The following RARB variants were observed in gnomAD, a reference collection of about 807,000 sequenced individuals.
The protein encoded by RARB is retinoic acid receptor beta.
A neutral mutation model predicts 51.9 loss-of-function variants in RARB; 17 were observed. The observed-to-expected ratio is 0.33, with a 90% confidence interval of 0.22 to 0.49. RARB has a LOEUF of 0.49. Ranked by LOEUF, RARB falls within the 20% of genes least tolerant of loss-of-function variation. The pLI is 0.99. For synonymous variants in RARB, 215 were observed against 195.4 expected (o/e 1.10, Z -0.84); for missense variants, 369 against 550.8 (o/e 0.67, Z 3.30).
intron 4 of RARB, among the ~76,000 whole-genome samples, chr3:25,160,903 A>G (rs1396950338): frequency 1.3e-5 from 2 of 151,894 alleles, no homozygotes; most frequent in African/African-American, 2.4e-5. Context: ...TGCTTCCATC[A>G]CATCACCTTC....
At chr3:25,192,616 A>T (rs1195719546) in intron 5 of RARB, among the ~76,000 whole-genome samples, 2 of 152,054 alleles carry the variant, frequency 1.3e-5, no homozygotes, top group Non-Finnish European at 2.9e-5. Context: ...ATTTGGAATT[A>T]TTTAAAAGTT....
chr3:25,232,412 G>A (rs1436837641), intron 5 of RARB, among the ~76,000 whole-genome samples: 4 of 151,654 alleles, frequency 2.6e-5, no homozygotes, highest in East Asian at 1.9e-4. Context: ...AAAAGAATTG[G>A]CATCTTGGCA....
At chr3:25,567,203 C>A (rs761255720) in intron 3 of RARB, among the ~76,000 whole-genome samples, 1 of 152,188 alleles carries the variant, frequency 6.6e-6, no homozygotes, top group Non-Finnish European at 1.5e-5. Flanking sequence ...TTCAGCGGTG[C>A]GTAGTGGATC....
At chr3:25,123,659 A>C (rs1486928800) in intron 3 of RARB, among the ~76,000 whole-genome samples, 1 of 152,150 alleles carries the variant, frequency 6.6e-6, no homozygotes, top group African/African-American at 2.4e-5. Context: ...GTTTAAGCTC[A>C]TCTCTTTCTT....
chr3:25,211,629 T>C (rs995348657), intron 5 of RARB, among the ~76,000 whole-genome samples: 1 of 152,234 alleles, frequency 6.6e-6, no homozygotes, highest in African/African-American at 2.4e-5. Flanking sequence ...ATGTAAACTT[T>C]ATTATTTTTA....
chr3:24,899,649 G>A (rs1301070002), intron 2 of RARB, among the ~76,000 whole-genome samples: 1 of 151,976 alleles, frequency 6.6e-6, no homozygotes, highest in Admixed American at 6.6e-5. Flanking sequence ...CTCCCCTGAT[G>A]AATGGTTGTT....
intron 2 of RARB, among the ~76,000 whole-genome samples, chr3:24,859,654 G>T (rs1013664634): frequency 6.6e-6 from 1 of 152,166 alleles, no homozygotes; most frequent in Non-Finnish European, 1.5e-5. Context: ...AATATGCAAA[G>T]ATATTAAAAT....
At chr3:25,115,590 C>G (rs978459759) in intron 3 of RARB, among the ~76,000 whole-genome samples, 1 of 150,914 alleles carries the variant, frequency 6.6e-6, no homozygotes, top group Non-Finnish European at 1.5e-5. Flanking sequence ...CCTTTCTTTT[C>G]TTTTTCTTCT....
intron 3 of RARB, among the ~76,000 whole-genome samples, chr3:25,086,892 T>C (rs1699115503): frequency 6.6e-6 from 1 of 152,132 alleles, no homozygotes; most frequent in East Asian, 1.9e-4. Context: ...GAGAATAGAT[T>C]GTGAATGTTT....
At chr3:25,356,728 T>C (rs1047561166) in intron 5 of RARB, among the ~76,000 whole-genome samples, 2 of 152,136 alleles carry the variant, frequency 1.3e-5, no homozygotes, top group African/African-American at 2.4e-5. Flanking sequence ...TATGTTCTCA[T>C]TGTTCAACTC....
At position 25,567,580 on chromosome 3, in the gene RARB, A is replaced by T. The variant is rs1018978574; in HGVS notation, c.449-2178A>T. ...ACATTTGGGTTCTTTCCACTTTTCA[A>T]CTGCCGTGAGTCACACTGTCATGAA... On this transcript the variant is annotated intron_variant, in intron 3 of 7. Coordinates refer to ENST00000330688, the MANE Select transcript of RARB (RefSeq NM_000965.5). Among the ~76,000 whole-genome samples the T allele has an allele frequency of 3.3e-5, 5 of 152,194 alleles. No homozygotes were observed. The East Asian group carries it at 9.7e-4, about 29-fold the overall frequency.
At chr3:24,991,442 T>C (rs1696907220) in intron 2 of RARB, among the ~76,000 whole-genome samples, 1 of 113,462 alleles carries the variant, frequency 8.8e-6, no homozygotes, top group South Asian at 2.4e-4. Flanking sequence ...AAACTCTGTC[T>C]CAAAAAAAAA....
At chr3:25,225,403 C>A (rs1019678376) in intron 5 of RARB, among the ~76,000 whole-genome samples, 2 of 152,140 alleles carry the variant, frequency 1.3e-5, no homozygotes, top group African/African-American at 4.8e-5. Context: ...TATCTTCTCT[C>A]TGGATTCCAT....
intron 3 of RARB, among the ~76,000 whole-genome samples, chr3:25,105,623 A>C (rs1314108392): frequency 6.6e-6 from 1 of 151,756 alleles, no homozygotes; most frequent in Non-Finnish European, 1.5e-5. Flanking sequence ...CCAAATTTGC[A>C]CTCTCTTGAC....
chr3:24,958,254 G>GGTTTTGT (rs1321125356), intron 2 of RARB, among the ~76,000 whole-genome samples: 2 of 67,408 alleles, frequency 3.0e-5, no homozygotes, highest in East Asian at 1.0e-3. Context: ...GAGCTGCTCA[G>GGTTTTGT]GTTTTTTTTT....
At chr3:25,226,718 A>T (rs1469492393) in intron 5 of RARB, among the ~76,000 whole-genome samples, 1 of 152,046 alleles carries the variant, frequency 6.6e-6, no homozygotes, top group Non-Finnish European at 1.5e-5. Context: ...TTTCTGGGAG[A>T]TTCTCCCCAA....
At chr3:25,031,826 A>G (rs940863977) in intron 2 of RARB, among the ~76,000 whole-genome samples, 37 of 152,192 alleles carry the variant, frequency 2.4e-4, no homozygotes, top group African/African-American at 8.4e-4. Context: ...CCAACCAGTT[A>G]CTCCAGTTTT....
At chr3:25,575,873 G>A (rs561567684) in intron 4 of RARB, among the ~76,000 whole-genome samples, 1 of 152,318 alleles carries the variant, frequency 6.6e-6, no homozygotes, top group South Asian at 2.1e-4. Context: ...CCTAGTGAGT[G>A]CAGAACTGGA....
At chr3:24,884,298 A>G (rs1003196960) in intron 2 of RARB, among the ~76,000 whole-genome samples, 14 of 152,188 alleles carry the variant, frequency 9.2e-5, no homozygotes, top group African/African-American at 3.4e-4. Context: ...TTGGAAGGGC[A>G]ATGTCATATT....
Sources: allele counts gnomAD v4.1 joint callset (sites outside exome capture counted in the v4.1 genomes callset), GRCh38; gene constraint gnomAD v4.1.1; transcripts MANE v1.5; gene names NCBI Gene and HGNC (gene_info 2026-07-23, HGNC 2026-07-21).